Variants in CALN1 observed in about 807,000 individuals in gnomAD.
CALN1 encodes calneuron 1, also known as calcium-binding protein 8.
A neutral mutation model predicts 30.6 loss-of-function variants in CALN1; 17 were observed. The observed-to-expected ratio is 0.56, with a 90% CI of 0.38 to 0.83. The LOEUF is 0.83. Among genes scored for constraint, CALN1 ranks in the 40% least tolerant of loss-of-function variants. CALN1 has a pLI of 0.00. For missense variants in CALN1, 291 were observed against 354.9 expected (o/e 0.82, Z 1.45); for synonymous variants, 156 against 131.4 (o/e 1.19, Z -1.28).
At chr7:71,978,917 T>C (rs1349515881) in intron 5 of CALN1, among the ~76,000 whole-genome samples, 2 of 152,238 alleles carry the variant, frequency 1.3e-5, no homozygotes, top group Non-Finnish European at 2.9e-5. Context: ...GTATGTCTTA[T>C]AAGCACAGGC....
At chr7:71,800,134 CG>C (rs1407854733) in intron 6 of CALN1, among the ~76,000 whole-genome samples, 1 of 152,174 alleles carries the variant, frequency 6.6e-6, no homozygotes, top group East Asian at 1.9e-4. Flanking sequence ...GTGACTTCAG[CG>C]GGGAGGACTG....
At chr7:72,060,836 C>T (rs1436488283) in intron 4 of CALN1, among the ~76,000 whole-genome samples, 1 of 152,154 alleles carries the variant, frequency 6.6e-6, no homozygotes, top group Non-Finnish European at 1.5e-5. Flanking sequence ...TTCCTGAGGC[C>T]TCACCAGAAG....
chr7:71,917,448 A>T (rs1794737183), intron 5 of CALN1, among the ~76,000 whole-genome samples: 1 of 152,246 alleles, frequency 6.6e-6, no homozygotes, highest in South Asian at 2.1e-4. Flanking sequence ...CGAAATGGTA[A>T]CTATAAATGG....
chr7:72,447,049 T>G (rs1054370082), exon 1 of CALN1: 1 of 152,406 alleles, frequency 6.6e-6, no homozygotes, highest in African/African-American at 2.4e-5. Context: ...TACCTCCTGC[T>G]GATCTCGGGG....
At chr7:72,056,955 T>C (rs1452203960) in intron 4 of CALN1, among the ~76,000 whole-genome samples, 2 of 152,106 alleles carry the variant, frequency 1.3e-5, no homozygotes, top group Non-Finnish European at 2.9e-5. Flanking sequence ...TTTTGTTTGT[T>C]TTAAAAACAA....
At chr7:72,397,714 T>TCACACA (rs3138810) in intron 2 of CALN1, among the ~76,000 whole-genome samples, 8,332 of 142,822 alleles carry the variant, frequency 0.058, 287 homozygotes, top group East Asian at 0.12. Context: ...CCATTCTCTC[T>TCACACA]CACACACACA....
intron 3 of CALN1, among the ~76,000 whole-genome samples, chr7:72,205,551 A>ATATATATACATACATATATATAT (rs1554319582): frequency 7.2e-5 from 6 of 83,052 alleles, no homozygotes; most frequent in African/African-American, 4.5e-4. Flanking sequence ...GCAAAAAAAA[A>ATATATATACATACATATATATAT]ATATATATAT....
chr7:72,225,821 A>T (rs1793632422), intron 3 of CALN1, among the ~76,000 whole-genome samples: 1 of 152,116 alleles, frequency 6.6e-6, no homozygotes, highest in South Asian at 2.1e-4. Context: ...AGGGAAAGAA[A>T]TAGCAGTGGA....
At chr7:71,963,934 C>T (rs1797397437) in intron 5 of CALN1, among the ~76,000 whole-genome samples, 1 of 152,152 alleles carries the variant, frequency 6.6e-6, no homozygotes, top group Non-Finnish European at 1.5e-5. Context: ...CTGAGGAATT[C>T]ATATTCTTAT....
chr7:71,910,749 CT>C (rs1562892771), intron 5 of CALN1, among the ~76,000 whole-genome samples: 2 of 152,194 alleles, frequency 1.3e-5, no homozygotes, highest in South Asian at 4.1e-4. Flanking sequence ...TCCAGTCCCC[CT>C]GAAGCTACCC....
At chr7:72,220,034 ATTT>A (rs1026508850) in intron 3 of CALN1, among the ~76,000 whole-genome samples, 1 of 151,710 alleles carries the variant, frequency 6.6e-6, no homozygotes, top group African/African-American at 2.4e-5. Context: ...TTTTTTTATA[ATTT>A]TTTTTGTTTT....
At chr7:72,026,906 CT>C (rs56838736) in intron 4 of CALN1, among the ~76,000 whole-genome samples, 21,628 of 152,090 alleles carry the variant, frequency 0.14, 2,392 homozygotes, top group East Asian at 0.35. Flanking sequence ...GGCTCCACGT[CT>C]TGGATAGACA....
Position 72,329,740 on chromosome 7 carries a change from G to GGT in CALN1, c.120-50932_120-50931dup, listed in dbSNP as rs1414814497. On this transcript the variant is annotated intron_variant, in intron 2 of 6. Coordinates refer to ENST00000395275, the MANE Select transcript of CALN1 (RefSeq NM_031468.4). ...AGGCTGAGGCAGGTGGATCACCTGAGGTCAGGAGTTCGAGACCAGCGCGGC... is the reference window on the plus strand; with the variant it reads ...AGGCTGAGGCAGGTGGATCACCTGAGGTGTCAGGAGTTCGAGACCAGCGCGGC... Among the ~76,000 whole-genome samples, 4 of 151,060 alleles carry GGT rather than the reference G, an allele frequency of 2.6e-5. No homozygotes were observed. In the East Asian group the frequency reaches 5.9e-4, roughly 22 times the overall value.
chr7:72,277,431 T>C (rs1797407035), intron 3 of CALN1, among the ~76,000 whole-genome samples: 3 of 152,144 alleles, frequency 2.0e-5, no homozygotes, highest in African/African-American at 7.2e-5. Context: ...CCTGCTCTCC[T>C]CTCAGGCCAC....
At chr7:72,062,711 T>C (rs1803751746) in intron 4 of CALN1, among the ~76,000 whole-genome samples, 1 of 152,072 alleles carries the variant, frequency 6.6e-6, no homozygotes, top group Admixed American at 6.6e-5. Context: ...ATATAACATC[T>C]AAACCTTTAA....
At chr7:71,885,386 T>C (rs572851973) in intron 5 of CALN1, among the ~76,000 whole-genome samples, 25 of 152,328 alleles carry the variant, frequency 1.6e-4, no homozygotes, top group African/African-American at 5.8e-4. Flanking sequence ...TCTCCTGATA[T>C]CGTGATCCGC....
chr7:72,286,890 T>C (rs1798116870), intron 2 of CALN1, among the ~76,000 whole-genome samples: 1 of 152,106 alleles, frequency 6.6e-6, no homozygotes. Flanking sequence ...AAGGTGTCTA[T>C]GACACAGGAA....
At chr7:72,427,886 G>T (rs745419892) in intron 1 of CALN1, among the ~76,000 whole-genome samples, 1 of 151,944 alleles carries the variant, frequency 6.6e-6, no homozygotes, top group Non-Finnish European at 1.5e-5. Flanking sequence ...AATGACTGTT[G>T]CGTGGTCCAG....
chr7:72,216,653 G>A (rs1562751618), intron 3 of CALN1, among the ~76,000 whole-genome samples: 1 of 152,142 alleles, frequency 6.6e-6, no homozygotes, highest in Non-Finnish European at 1.5e-5. Context: ...ATAGAGAACA[G>A]TTATTGAACC....
Sources: allele counts gnomAD v4.1 joint callset (sites outside exome capture counted in the v4.1 genomes callset), GRCh38; gene constraint gnomAD v4.1.1; transcripts MANE v1.5; gene names NCBI Gene and HGNC (gene_info 2026-07-23, HGNC 2026-07-21).